The following LRP1B variants were observed in gnomAD, a reference collection of about 807,000 sequenced individuals.
LRP1B encodes LDL receptor related protein 1B, also known as low-density lipoprotein receptor-related protein 1B.
In LRP1B, 217 loss-of-function variants were observed where a neutral mutation model predicts 556.6. The ratio of observed to expected loss-of-function variants is 0.39; its 90% CI spans 0.35 to 0.44. The LOEUF is 0.44. LRP1B is among the 20% of genes least tolerant of loss of function. LRP1B has a pLI of 1.00. For synonymous variants in LRP1B, 2,047 were observed against 1,865.8 expected (o/e 1.10, Z -2.50); for missense variants, 5,053 against 5,620.8 (o/e 0.90, Z 3.23).
chr2:141,646,257 T>C (rs1689560051), intron 2 of LRP1B, among the ~76,000 whole-genome samples: 1 of 152,190 alleles, frequency 6.6e-6, no homozygotes, highest in East Asian at 1.9e-4. Context: ...TGTATGTATA[T>C]GTGTGCATTT....
At chr2:141,286,522 GT>G (rs1204123618) in intron 3 of LRP1B, among the ~76,000 whole-genome samples, 1 of 152,100 alleles carries the variant, frequency 6.6e-6, no homozygotes, top group African/African-American at 2.4e-5. Context: ...TTCTGATAGA[GT>G]TTGTGTAAGA....
intron 41 of LRP1B, among the ~76,000 whole-genome samples, chr2:140,609,643 T>A (rs1024732397): frequency 8.5e-5 from 13 of 152,188 alleles, no homozygotes; most frequent in Non-Finnish European, 1.5e-4. Context: ...GCCTAAGCAA[T>A]CGTCTTTCAA....
At chr2:140,520,888 A>G (rs1386312299) in intron 49 of LRP1B, among the ~76,000 whole-genome samples, 1 of 151,366 alleles carries the variant, frequency 6.6e-6, no homozygotes, top group Non-Finnish European at 1.5e-5. Flanking sequence ...ATTAAAAAAA[A>G]TCACTGCAGA....
At chr2:140,618,676 A>G (rs1040097695) in intron 41 of LRP1B, among the ~76,000 whole-genome samples, 7 of 152,252 alleles carry the variant, frequency 4.6e-5, no homozygotes, top group Non-Finnish European at 1.0e-4. Flanking sequence ...CAAGCAGTTT[A>G]TTTTCTAAAC....
At chr2:140,720,255 A>G (rs978301194) in intron 35 of LRP1B, among the ~76,000 whole-genome samples, 9 of 152,060 alleles carry the variant, frequency 5.9e-5, no homozygotes, top group African/African-American at 2.2e-4. Flanking sequence ...TTTACATTCT[A>G]GAGTAAAATT....
intron 20 of LRP1B, among the ~76,000 whole-genome samples, chr2:140,947,933 C>T (rs541539530): frequency 1.3e-5 from 2 of 152,206 alleles, no homozygotes; most frequent in South Asian, 4.1e-4. Context: ...TATACCCATA[C>T]AGTAATCTAC....
At chr2:140,500,668 T>A (rs1288300101) in intron 55 of LRP1B, among the ~76,000 whole-genome samples, 1 of 151,970 alleles carries the variant, frequency 6.6e-6, no homozygotes, top group African/African-American at 2.4e-5. Flanking sequence ...ATACAGTATG[T>A]GAATACAGCT....
intron 32 of LRP1B, among the ~76,000 whole-genome samples, chr2:140,782,146 C>T (rs189416807): frequency 8.6e-4 from 131 of 152,186 alleles, no homozygotes; most frequent in Admixed American, 4.5e-3. Flanking sequence ...TTAAGCTGTA[C>T]GTAAGCAGGG....
At chr2:140,710,345 G>C (rs904750122) in intron 37 of LRP1B, among the ~76,000 whole-genome samples, 2 of 152,014 alleles carry the variant, frequency 1.3e-5, no homozygotes, top group Admixed American at 1.3e-4. Flanking sequence ...AACAGGAAAA[G>C]AGATATCATA....
chr2:142,079,297 C>T (rs1705625913), intron 1 of LRP1B, among the ~76,000 whole-genome samples: 1 of 152,024 alleles, frequency 6.6e-6, no homozygotes, highest in African/African-American at 2.4e-5. Flanking sequence ...GTTATTTTGC[C>T]ACTTTGAGAT....
intron 2 of LRP1B, among the ~76,000 whole-genome samples, chr2:141,494,055 C>A (rs1441177056): frequency 6.6e-6 from 1 of 152,152 alleles, no homozygotes; most frequent in African/African-American, 2.4e-5. Context: ...GGGCCATCTT[C>A]TGAGATCAAG....
At chr2:141,828,761 A>G (rs1697017212) in intron 1 of LRP1B, among the ~76,000 whole-genome samples, 1 of 152,172 alleles carries the variant, frequency 6.6e-6, no homozygotes, top group Non-Finnish European at 1.5e-5. Context: ...ACAGTAAATC[A>G]TCAGTAGGAT....
At position 140,702,564 on chromosome 2, in the gene LRP1B, A is replaced by G; in HGVS notation, c.6024-11T>C. ...GTCCAGAACAAGAGGCTGAAATTAA[A>G]TTGTTAATTTGTAGTGTTTATGTAC... On this transcript the variant is annotated splice_polypyrimidine_tract_variant and intron_variant, in intron 37 of 90. Coordinates refer to ENST00000389484, the MANE Select transcript of LRP1B (RefSeq NM_018557.3). 3.7e-6 allele frequency: 6 copies of G among 1,611,806 alleles called. No homozygotes were observed. Among genetic ancestry groups the G allele is most frequent in the Non-Finnish European group, 5.1e-6 (6 of 1,178,398 alleles).
chr2:141,601,648 T>G (rs1053730091), intron 2 of LRP1B, among the ~76,000 whole-genome samples: 1 of 151,210 alleles, frequency 6.6e-6, no homozygotes, highest in Non-Finnish European at 1.5e-5. Flanking sequence ...CCTTCCTTTT[T>G]TTTTCCTTCC....
At chr2:141,031,666 A>G (rs765834169) in intron 11 of LRP1B, among the ~76,000 whole-genome samples, 22 of 152,012 alleles carry the variant, frequency 1.4e-4, no homozygotes, top group Non-Finnish European at 4.4e-5. Flanking sequence ...AGAAGAGACA[A>G]CTTGTAGCAC....
chr2:140,289,254 G>A (rs574392495), intron 84 of LRP1B, among the ~76,000 whole-genome samples: 93 of 151,958 alleles, frequency 6.1e-4, no homozygotes, highest in African/African-American at 2.2e-3. Context: ...ATGAAATAAA[G>A]TCCATTTCTG....
intron 18 of LRP1B, among the ~76,000 whole-genome samples, chr2:140,977,766 A>G (rs1696649881): frequency 6.6e-6 from 1 of 152,142 alleles, no homozygotes; most frequent in African/African-American, 2.4e-5. Context: ...GACTGTATGT[A>G]TGTCTTGAGT....
intron 2 of LRP1B, among the ~76,000 whole-genome samples, chr2:141,503,970 A>G: frequency 6.6e-6 from 1 of 152,234 alleles, no homozygotes; most frequent in Admixed American, 6.5e-5. Flanking sequence ...TTAGAATTTT[A>G]ATTATTTTAC....
In LRP1B at chr2:142,061,512, A is replaced by G. The variant is rs1206295716; in HGVS notation, c.82+69136T>C. 1.3e-5 allele frequency among the ~76,000 whole-genome samples: 2 copies of G among 152,030 alleles called. 1 individual carries two copies. The highest frequency in any genetic ancestry group is 4.1e-4 in the South Asian group (2 of 4,830). On this transcript the variant is annotated intron_variant, in intron 1 of 90. Transcript: ENST00000389484. ...TAATGTTCACTAAAGAATATAACACAAGGTAGTGCAGCAAACAGGGCAAAG... is the reference window on the plus strand; with the variant it reads ...TAATGTTCACTAAAGAATATAACACGAGGTAGTGCAGCAAACAGGGCAAAG...
Sources: gnomAD v4.1 joint callset for allele counts (sites outside exome capture counted in the v4.1 genomes callset) on GRCh38, gnomAD v4.1.1 for gene constraint, MANE v1.5 for transcripts, NCBI Gene and HGNC (gene_info 2026-07-23, HGNC 2026-07-21) for gene names.